Variants in GLI3 observed in about 807,000 individuals in gnomAD.
GLI3 encodes the protein transcription activator GLI3.
GLI3 carries 20 observed loss-of-function variants against 100.8 expected under a neutral mutation model. That is an observed-to-expected ratio of 0.20 (90% CI 0.14 to 0.29). The LOEUF (loss-of-function observed/expected upper bound fraction) is 0.29, where lower values mean the gene tolerates loss of function less well. GLI3 is among the 10% of genes least tolerant of loss of function. The pLI, the probability that GLI3 is intolerant of heterozygous loss-of-function variation, is 1.00. For missense variants in GLI3, 2,040 were observed against 2,128.5 expected, an observed-to-expected ratio of 0.96 and a Z score of 0.82; for synonymous variants, 938 against 860.5, an observed-to-expected ratio of 1.09 and a Z score of -1.58.
At chr7:42,051,391 T>G (rs1784348682) in intron 4 of GLI3, among the ~76,000 whole-genome samples, 2 of 152,182 alleles carry the variant, frequency 1.3e-5, no homozygotes, top group Admixed American at 1.3e-4. Context: ...TAAAGTCTCA[T>G]GTACTGAGCC....
intron 4 of GLI3, among the ~76,000 whole-genome samples, chr7:42,065,350 C>A (rs1784653188): frequency 6.6e-6 from 1 of 151,558 alleles, no homozygotes; most frequent in Admixed American, 6.6e-5. Flanking sequence ...TTCTCATGCA[C>A]AAAAAAGCAA....
rs35280470 is a variant in GLI3, at chr7:41,965,066, C to T, written c.4007G>A (p.Gly1336Glu). ...QLLGDSMQHPGAGRPGQQMLG... is the reference protein window; with the variant it reads ...QLLGDSMQHPEAGRPGQQMLG... ...CATCTGCTGACCGGGGCGGCCTGCC[C>T]CCGGGTGCTGCATGCTGTCGCCGAG... is the stretch of plus-strand genomic sequence containing the variant. The change falls in exon 15 of 15, where the codon GGG (glycine) becomes GAG (glutamate). Residue 1336 changes from glycine to glutamate, a missense_variant. By Grantham distance (98) the Gly-to-Glu change is moderately conservative (BLOSUM62 -2). Transcript: ENST00000395925. 0.049 allele frequency: 78,333 copies of T among 1,613,792 alleles called. 2,145 individuals are homozygous for T. Among genetic ancestry groups the T allele is most frequent in the Non-Finnish European group, 0.057 (67,012 of 1,179,978 alleles).
At chr7:42,036,901 G>C (rs969034003) in intron 7 of GLI3, among the ~76,000 whole-genome samples, 7 of 152,122 alleles carry the variant, frequency 4.6e-5, no homozygotes, top group African/African-American at 1.7e-4. Context: ...TAACACTTTG[G>C]GATGCCAAGG....
upstream of GLI3, among the ~76,000 whole-genome samples, chr7:42,239,868 CTT>C (rs1448720273): frequency 2.0e-5 from 3 of 152,316 alleles, no homozygotes; most frequent in Admixed American, 2.0e-4. Flanking sequence ...AAAAAACCCA[CTT>C]TGCCTGAGTG....
chr7:42,217,975 G>A (rs1011493256), intron 2 of GLI3, among the ~76,000 whole-genome samples: 31 of 152,218 alleles, frequency 2.0e-4, no homozygotes, highest in African/African-American at 6.3e-4. Context: ...ATTGTCTTCC[G>A]AAACTGATGA....
chr7:42,224,769 G>A (rs1285495884), intron 1 of GLI3, among the ~76,000 whole-genome samples: 1 of 152,202 alleles, frequency 6.6e-6, no homozygotes, highest in Non-Finnish European at 1.5e-5. Flanking sequence ...GAGTCCCAAG[G>A]GCAGGGCTAC....
At chr7:42,162,965 CTTTTTTTTTTT>C (rs58993499) in intron 2 of GLI3, among the ~76,000 whole-genome samples, 3,276 of 95,730 alleles carry the variant, frequency 0.034, 92 homozygotes, top group African/African-American at 0.088. Context: ...GAATAAACAC[CTTTTTTTTTTT>C]TTTTTTTTTT....
chr7:41,977,791 C>T, intron 11 of GLI3, 69 bp from the exon 12 acceptor site: 2 of 1,388,030 alleles, frequency 1.4e-6, no homozygotes, highest in East Asian at 4.6e-5. Context: ...AACACGCCCT[C>T]CAAGTTGATG....
intron 3 of GLI3, among the ~76,000 whole-genome samples, chr7:42,105,747 T>C (rs992222332): frequency 1.3e-5 from 2 of 152,136 alleles, no homozygotes; most frequent in Non-Finnish European, 2.9e-5. Flanking sequence ...GTGTGTCCAG[T>C]GCTAGCCTCG....
chr7:42,129,593 G>A (rs533609024), intron 3 of GLI3, among the ~76,000 whole-genome samples: 1 of 152,018 alleles, frequency 6.6e-6, no homozygotes. Flanking sequence ...GGGGGATCAC[G>A]AGGTCAGGAG....
In GLI3 at chr7:42,010,182, G is replaced by A. The variant is rs561335317; in HGVS notation, c.1497+13286C>T. 3.9e-5 allele frequency among the ~76,000 whole-genome samples: 6 copies of A among 152,300 alleles called. No homozygotes were observed. In the South Asian group the frequency reaches 1.2e-3, roughly 32 times the overall value. ...CCAGGGAAGCCAGGATTGACACTCGGAGCTGCTCCTGGGCACCTGCTCCTG... is the reference window on the plus strand; with the variant it reads ...CCAGGGAAGCCAGGATTGACACTCGAAGCTGCTCCTGGGCACCTGCTCCTG... On this transcript the variant is annotated intron_variant, in intron 10 of 14. Transcript: ENST00000395925.
At chr7:42,118,276 C>G (rs564869291) in intron 3 of GLI3, 141 of 398,644 alleles carry the variant, frequency 3.5e-4, no homozygotes, top group African/African-American at 2.7e-3. Context: ...GTTCAGAGTC[C>G]TAACTATGGA....
intron 10 of GLI3, among the ~76,000 whole-genome samples, chr7:41,979,156 G>A (rs1412605409): frequency 1.3e-5 from 2 of 152,220 alleles, no homozygotes; most frequent in Non-Finnish European, 1.5e-5. Context: ...CTGCAGAGAT[G>A]TTCTCCAACT....
At chr7:42,052,069 A>G (rs1351321277) in intron 4 of GLI3, among the ~76,000 whole-genome samples, 1 of 152,180 alleles carries the variant, frequency 6.6e-6, no homozygotes, top group Non-Finnish European at 1.5e-5. Context: ...CCAGAATGTC[A>G]GGCAGTATGT....
intron 1 of GLI3, among the ~76,000 whole-genome samples, chr7:42,243,574 G>A (rs1005799166): frequency 1.3e-5 from 2 of 152,176 alleles, no homozygotes; most frequent in East Asian, 1.9e-4. Context: ...TGGAGATAAC[G>A]ATATTCATCT....
Position 42,219,874 on chromosome 7 carries a change from G to A in GLI3, c.124+3256C>T, listed in dbSNP as rs551200702. Among the ~76,000 whole-genome samples, 141 of 138,188 alleles carry A rather than the reference G, an allele frequency of 1.0e-3. 1 individual carries two copies. Among genetic ancestry groups the A allele is most frequent in the African/African-American group, 3.8e-3 (137 of 35,844 alleles). The allele number at this position is 138,188 out of a possible 152,430, so 90.7% of individuals were successfully genotyped here. ...AACTCTTTTTTTTTTTTTTTTTTGA[G>A]ACAGAGTCTCGTTCTGTCGCCCAGG... On this transcript the variant is annotated intron_variant, in intron 2 of 14. Coordinates refer to ENST00000395925, the MANE Select transcript of GLI3 (RefSeq NM_000168.6).
intron 2 of GLI3, among the ~76,000 whole-genome samples, chr7:42,205,992 G>T (rs1202800679): frequency 6.6e-6 from 1 of 152,168 alleles, no homozygotes; most frequent in African/African-American, 2.4e-5. Context: ...AAGGGGTTAG[G>T]TGCAGTGGCT....
At chr7:42,035,554 T>A (rs1462190708) in intron 7 of GLI3, among the ~76,000 whole-genome samples, 2 of 152,194 alleles carry the variant, frequency 1.3e-5, no homozygotes. Context: ...CACACCAGAA[T>A]TAAAACCACT....
intron 4 of GLI3, among the ~76,000 whole-genome samples, chr7:42,069,500 T>G (rs1784744424): frequency 6.6e-6 from 1 of 152,206 alleles, no homozygotes; most frequent in African/African-American, 2.4e-5. Context: ...ACTTTTTCAG[T>G]TAATCACGAG....
Sources: allele counts gnomAD v4.1 joint callset (sites outside exome capture counted in the v4.1 genomes callset), GRCh38; gene constraint gnomAD v4.1.1; transcripts MANE v1.5; gene names NCBI Gene and HGNC (gene_info 2026-07-23, HGNC 2026-07-21).